Variants in SMOC2 observed in about 807,000 individuals in gnomAD.
The protein encoded by SMOC2 is SPARC related modular calcium binding 2.
A neutral mutation model predicts 61.4 loss-of-function variants in SMOC2; 39 were observed. That is an observed-to-expected ratio of 0.64 (90% CI 0.49 to 0.83). The LOEUF is 0.83. Among genes scored for constraint, SMOC2 ranks in the 40% least tolerant of loss-of-function variants. The pLI is 0.00. For missense variants in SMOC2, 556 were observed against 592.9 expected (o/e 0.94, Z 0.65); for synonymous variants, 247 against 239.9 (o/e 1.03, Z -0.27).
chr6:168,533,134 G>A (rs1783652775), intron 4 of SMOC2, among the ~76,000 whole-genome samples: 1 of 151,998 alleles, frequency 6.6e-6, no homozygotes, highest in Admixed American at 6.6e-5. Flanking sequence ...TTTCCTCTCT[G>A]CGGTCTGAAT....
chr6:168,540,944 G>A (rs13208776), intron 4 of SMOC2, among the ~76,000 whole-genome samples: 36,574 of 152,068 alleles, frequency 0.24, 5,797 homozygotes, highest in Non-Finnish European at 0.35. Flanking sequence ...TGGGAAGGGC[G>A]TCTGGAAGGA....
chr6:168,502,333 TC>T (rs1476741953), intron 1 of SMOC2, among the ~76,000 whole-genome samples: 23 of 152,356 alleles, frequency 1.5e-4, no homozygotes, highest in Admixed American at 1.2e-3. Flanking sequence ...CTCACATGGC[TC>T]CATACACGTC....
intron 7 of SMOC2, among the ~76,000 whole-genome samples, chr6:168,596,011 TG>T (rs1785323165): frequency 7.9e-6 from 1 of 127,014 alleles, no homozygotes; most frequent in Non-Finnish European, 1.8e-5. Context: ...TGAGTCTTCC[TG>T]GGTGCTGCTG....
At chr6:168,546,106 T>C (rs2115102434) in intron 5 of SMOC2, among the ~76,000 whole-genome samples, 1 of 152,244 alleles carries the variant, frequency 6.6e-6, no homozygotes, top group African/African-American at 2.4e-5. Context: ...TAAAAAGTCT[T>C]ATAAGAAACT....
At chr6:168,570,082 G>A (rs768048324) in intron 7 of SMOC2, among the ~76,000 whole-genome samples, 4 of 150,842 alleles carry the variant, frequency 2.7e-5, no homozygotes, top group South Asian at 2.1e-4. Context: ...ATGTCCCGTC[G>A]TCCTGGCATC....
At chr6:168,454,858 C>T (rs920079289) in intron 1 of SMOC2, among the ~76,000 whole-genome samples, 1 of 152,204 alleles carries the variant, frequency 6.6e-6, no homozygotes, top group Non-Finnish European at 1.5e-5. Flanking sequence ...GGCCAGTGTT[C>T]CAGCAGATGC....
intron 7 of SMOC2, among the ~76,000 whole-genome samples, chr6:168,558,502 T>A (rs1283551948): frequency 6.6e-6 from 1 of 152,194 alleles, no homozygotes; most frequent in African/African-American, 2.4e-5. Context: ...GGGCCTGGGC[T>A]GGTTCTCGGC....
At chr6:168,548,550 G>A (rs1235077399) in intron 6 of SMOC2, among the ~76,000 whole-genome samples, 4 of 149,712 alleles carry the variant, frequency 2.7e-5, no homozygotes, top group Middle Eastern at 6.9e-3. Context: ...ATTATTAGTA[G>A]AGACAGGGTT....
At position 168,628,021 on chromosome 6, in the gene SMOC2, T is replaced by C. The variant is rs540728249; in HGVS notation, c.907+19782T>C. 3.5e-4 allele frequency among the ~76,000 whole-genome samples: 53 copies of C among 152,048 alleles called. 1 individual carries two copies. The highest frequency in any genetic ancestry group is 1.2e-3 in the African/African-American group (49 of 41,472). On this transcript the variant is annotated intron_variant, in intron 9 of 12. Transcript: ENST00000356284. ...CCGTTGAACCCTGGACTAACGCCAC[T>C]CTTGCCATCCATCCTTGTCAAGGAG...
intron 1 of SMOC2, among the ~76,000 whole-genome samples, chr6:168,472,604 T>C (rs1781988178): frequency 6.6e-6 from 1 of 152,156 alleles, no homozygotes; most frequent in Admixed American, 6.5e-5. Flanking sequence ...ATGTCACATG[T>C]TTATTCTGAT....
At chr6:168,483,385 G>A (rs1309740924) in intron 1 of SMOC2, among the ~76,000 whole-genome samples, 1 of 150,994 alleles carries the variant, frequency 6.6e-6, no homozygotes, top group East Asian at 1.9e-4. Context: ...CAAATAATGT[G>A]ACAGATTTGT....
At chr6:168,549,264 G>A in intron 7 of SMOC2, 61 bp downstream of exon 7, 1 of 1,541,566 alleles carries the variant, frequency 6.5e-7, no homozygotes, top group South Asian at 1.1e-5. Flanking sequence ...AAAATGATGG[G>A]GTTTTTTTTT....
chr6:168,463,849 C>A (rs1330099860), intron 1 of SMOC2, among the ~76,000 whole-genome samples: 1 of 152,134 alleles, frequency 6.6e-6, no homozygotes, highest in Non-Finnish European at 1.5e-5. Flanking sequence ...GAGATGATGT[C>A]TGGAGAACTT....
At chr6:168,556,918 T>C (rs1446193505) in intron 7 of SMOC2, among the ~76,000 whole-genome samples, 7 of 151,578 alleles carry the variant, frequency 4.6e-5, no homozygotes, top group Non-Finnish European at 8.8e-5. Context: ...CCTAACCCAT[T>C]AAAAACAGTT....
At chr6:168,589,409 C>T (rs961012390) in intron 7 of SMOC2, among the ~76,000 whole-genome samples, 1 of 152,254 alleles carries the variant, frequency 6.6e-6, no homozygotes, top group African/African-American at 2.4e-5. Flanking sequence ...CATTCAACCA[C>T]GCAGCTGCCA....
intron 1 of SMOC2, among the ~76,000 whole-genome samples, chr6:168,448,778 C>A (rs903509657): frequency 6.6e-6 from 1 of 152,180 alleles, no homozygotes; most frequent in African/African-American, 2.4e-5. Flanking sequence ...TTAACATATT[C>A]GTAGCACTTT....
At chr6:168,545,836 A>G (rs1783983449) in intron 5 of SMOC2, among the ~76,000 whole-genome samples, 1 of 152,250 alleles carries the variant, frequency 6.6e-6, no homozygotes, top group Non-Finnish European at 1.5e-5. Context: ...ATTCCAAAAA[A>G]TTTCAAATAT....
intron 9 of SMOC2, among the ~76,000 whole-genome samples, chr6:168,624,621 CAG>C (rs1367461659): frequency 9.8e-6 from 1 of 101,830 alleles, no homozygotes; most frequent in African/African-American, 3.7e-5. Flanking sequence ...CACAGAGACA[CAG>C]ACACAGACAA....
chr6:168,469,290 G>A (rs1385949501), intron 1 of SMOC2, among the ~76,000 whole-genome samples: 2 of 152,206 alleles, frequency 1.3e-5, no homozygotes, highest in African/African-American at 4.8e-5. Context: ...CAGTCATGGT[G>A]GAACCCCTGG....
Sources: gnomAD v4.1 joint callset for allele counts (sites outside exome capture counted in the v4.1 genomes callset) on GRCh38, gnomAD v4.1.1 for gene constraint, MANE v1.5 for transcripts, NCBI Gene and HGNC (gene_info 2026-07-23, HGNC 2026-07-21) for gene names.